The following GALP variants were observed in gnomAD, a reference collection of about 807,000 sequenced individuals.
GALP encodes galanin like peptide, also known as galanin-like peptide.
A neutral mutation model predicts 15.2 loss-of-function variants in GALP; 12 were observed. The ratio of observed to expected loss-of-function variants is 0.79; its 90% confidence interval spans 0.51 to 1.28. The LOEUF is 1.28. Among genes scored for constraint, GALP ranks in the 50% most tolerant of loss-of-function variants. GALP has a pLI of 0.00. For synonymous variants in GALP, 58 were observed against 55.1 expected (o/e 1.05, Z -0.23); for missense variants, 161 against 145.6 (o/e 1.11, Z -0.55).
intron 3 of GALP, among the ~76,000 whole-genome samples, chr19:56,180,884 T>G (rs1185139352): frequency 6.8e-6 from 1 of 147,100 alleles, no homozygotes; most frequent in African/African-American, 2.5e-5. Context: ...TCTCTCGCTC[T>G]CTCACTCTTT....
rs370509604 is a variant in GALP at position 56,177,496 on chromosome 19, G to A, written c.87+301G>A. ...ACTGCACTCCAGCCTGGGTGACAGA[G>A]CGAGACTCCATCTCAAAAAAAAAAA... is the stretch of plus-strand genomic sequence containing the variant. On this transcript the variant is annotated intron_variant, in intron 2 of 5. Transcript: ENST00000357330. Among the ~76,000 whole-genome samples, 937 of 141,964 alleles carry A rather than the reference G, an allele frequency of 6.6e-3. 6 individuals are homozygous for A. Among genetic ancestry groups the A allele is most frequent in the African/African-American group, 0.024 (895 of 36,648 alleles). The allele number at this position is 141,964 out of a possible 152,430, so 93.1% of individuals were successfully genotyped here.
chr19:56,181,555 C>T (rs2032567843), intron 3 of GALP, among the ~76,000 whole-genome samples: 1 of 151,872 alleles, frequency 6.6e-6, no homozygotes, highest in Non-Finnish European at 1.5e-5. Context: ...CACGCATGCA[C>T]CACAATGCCC....
At chr19:56,178,825 C>T (rs1552651) in intron 2 of GALP, among the ~76,000 whole-genome samples, 69,816 of 152,000 alleles carry the variant, frequency 0.46, 17,006 homozygotes, top group African/African-American at 0.62. Context: ...CTACTTCCCA[C>T]CTTACACAGT....
In GALP at chr19:56,180,561, T is replaced by G. The variant is rs372291791; in HGVS notation, c.88-25T>G. 9.3e-6 allele frequency: 15 copies of G among 1,610,330 alleles called. No individual in the cohort carries two copies. In the African/African-American group the frequency reaches 1.5e-4, roughly 16 times the overall value. On this transcript the variant is annotated intron_variant, in intron 2 of 5. Transcript: ENST00000357330. ...CTGCCCCGCTTTCTGTCTGCTTGAG[T>G]CTTGATTTCTGCATCTCTATCCAGG...
rs113739061 is a variant in GALP, at chr19:56,178,301, T to TA, written c.87+1118dup. ...CAACATAGTGAGAACCTCCATCTCT[T>TA]AAAAAAAAAAAATTAACTAGGTATG... On this transcript the variant is annotated intron_variant, in intron 2 of 5. Coordinates refer to ENST00000357330, the MANE Select transcript of GALP (RefSeq NM_033106.4). Among the ~76,000 whole-genome samples the TA allele has an allele frequency of 2.0e-3, 283 of 144,170 alleles. 1 individual carries two copies. The highest frequency in any genetic ancestry group is 5.5e-3 in the African/African-American group (217 of 39,450). 94.6% of individuals were successfully genotyped at this position (144,170 alleles called of 152,430 possible). A position where few individuals can be genotyped will look rare whatever the true frequency, so the allele number is the denominator to read the frequency against.
At chr19:56,183,820 A>T (rs1485894052) in intron 5 of GALP, among the ~76,000 whole-genome samples, 1 of 151,114 alleles carries the variant, frequency 6.6e-6, no homozygotes, top group African/African-American at 2.4e-5. Context: ...CTGGTCCTGA[A>T]CTCCTGACTT....
At chr19:56,183,374 C>A (rs2032599290) in intron 5 of GALP, among the ~76,000 whole-genome samples, 162 bp downstream of exon 5, 1 of 152,166 alleles carries the variant, frequency 6.6e-6, no homozygotes, top group Admixed American at 6.5e-5. Flanking sequence ...TCAGCCTCGA[C>A]TGTGAATCCC....
intron 2 of GALP, among the ~76,000 whole-genome samples, chr19:56,178,564 G>A (rs2032508029): frequency 6.8e-6 from 1 of 146,298 alleles, no homozygotes; most frequent in South Asian, 2.2e-4. Context: ...TTGGCATTCA[G>A]CTGCCCTGAG....
intron 2 of GALP, among the ~76,000 whole-genome samples, chr19:56,180,068 C>T (rs572820275): frequency 2.1e-4 from 32 of 152,284 alleles, no homozygotes; most frequent in Non-Finnish European, 3.4e-4. Context: ...AGAGCCACCA[C>T]GCCCGGCCTA....
At chr19:56,177,331 A>G (rs767159861) in intron 2 of GALP, 136 bp downstream of exon 2, 75 of 727,860 alleles carry the variant, frequency 1.0e-4, no homozygotes, top group Non-Finnish European at 1.7e-4. Flanking sequence ...ATGAGAAGAA[A>G]TATTGCGTGT....
chr19:56,184,483 TC>T (rs2032620809), intron 5 of GALP, among the ~76,000 whole-genome samples: 1 of 96,338 alleles, frequency 1.0e-5, no homozygotes, highest in Non-Finnish European at 2.0e-5. Context: ...CTTTTCTTTT[TC>T]TTTTTTTTTT....
intron 2 of GALP, among the ~76,000 whole-genome samples, chr19:56,179,309 TTTC>T (rs1224398129): frequency 1.6e-5 from 2 of 122,462 alleles, no homozygotes; most frequent in Middle Eastern, 3.7e-3. Context: ...AGCCTCTTTC[TTTC>T]TTTTTTTTTT....
At chr19:56,176,458 G>C (rs111275030) in intron 1 of GALP, among the ~76,000 whole-genome samples, 16 of 95,062 alleles carry the variant, frequency 1.7e-4, no homozygotes, top group South Asian at 1.5e-3. Context: ...GCCAGCTGCA[G>C]CGGGGTGAGA....
At chr19:56,182,924 C>T (rs995593953) in intron 4 of GALP, among the ~76,000 whole-genome samples, 12 of 152,136 alleles carry the variant, frequency 7.9e-5, no homozygotes, top group African/African-American at 2.9e-4. Context: ...ACTTGTGTCA[C>T]GGGCGTTTGT....
intron 2 of GALP, 88 bp from the exon 3 acceptor site, chr19:56,180,498 C>A: frequency 9.1e-7 from 1 of 1,096,702 alleles, no homozygotes; most frequent in Non-Finnish European, 1.4e-6. Flanking sequence ...GTGGGAAAGT[C>A]GTATGACGAC....
At chr19:56,180,677 T>C in intron 3 of GALP, 43 bp downstream of exon 3, 2 of 1,549,774 alleles carry the variant, frequency 1.3e-6, no homozygotes, top group Non-Finnish European at 8.9e-7. Context: ...GGCCCGAGTC[T>C]GCCTGGTTGC....
rs796945425 is a variant in GALP at position 56,182,439 on chromosome 19, G to A, written c.217+187G>A. Among the ~76,000 whole-genome samples the A allele has an allele frequency of 1.4e-4, 21 of 152,266 alleles. 1 individual carries two copies. The highest frequency in any genetic ancestry group is 5.1e-4 in the African/African-American group (21 of 41,542). On this transcript the variant is annotated intron_variant, in intron 4 of 5. Transcript: ENST00000357330. The stretch of plus-strand genomic sequence containing the variant: ...ACCTGGAGCCCCAGCTTGCTTTAAT[G>A]TTCTTTTGTTACCAACGTGAAATTC...
At chr19:56,180,911 CTTTCTTTTTTTTT>C (rs201332268) in intron 3 of GALP, among the ~76,000 whole-genome samples, 16,620 of 90,014 alleles carry the variant, frequency 0.18, 1,154 homozygotes, top group East Asian at 0.39. Flanking sequence ...TTCTTTCTTT[CTTTCTTTTTTTTT>C]TTTTTTTTTT....
At chr19:56,185,161 TG>T in intron 5 of GALP, 53 bp from the exon 6 acceptor site, 2 of 1,132,416 alleles carry the variant, frequency 1.8e-6, no homozygotes, top group East Asian at 4.7e-5. Context: ...ATTAGCTGGG[TG>T]GGGAGTGATA....
Sources: gnomAD v4.1 joint callset for allele counts (sites outside exome capture counted in the v4.1 genomes callset) on GRCh38, gnomAD v4.1.1 for gene constraint, MANE v1.5 for transcripts, NCBI Gene and HGNC (gene_info 2026-07-23, HGNC 2026-07-21) for gene names.